The following MUC12 variants were observed in gnomAD, a reference collection of about 807,000 sequenced individuals.
MUC12 encodes mucin 12, cell surface associated.
In MUC12, 172 loss-of-function variants were observed where a neutral mutation model predicts 230.8. The ratio of observed to expected loss-of-function variants is 0.75; its 90% CI spans 0.66 to 0.85. The LOEUF is 0.85. MUC12 is among the 40% of genes least tolerant of loss of function. The probability of loss-of-function intolerance (pLI) is 0.00; values close to 1 mark genes in which losing one functional copy is unlikely to be tolerated. For missense variants in MUC12, 3,506 were observed against 5,920.6 expected, an observed-to-expected ratio of 0.59 and a Z score of 13.38; for synonymous variants, 1,259 against 2,401.9, an observed-to-expected ratio of 0.52 and a Z score of 13.91.
At position 101,004,668 on chromosome 7, in the gene MUC12, T is replaced by G. The variant is rs1406281493; in HGVS notation, c.14105T>G (p.Phe4702Cys). ...GGAATCACACCCTTACCTGCCCATT[T>G]TACTACCTCAGGCCGCATTGCAGAA... ...TNGITPLPAHFTTSGRIAEST... is the reference protein window; with the variant it reads ...TNGITPLPAHCTTSGRIAEST... The change falls in exon 2 of 12, where the codon TTT becomes TGT. Residue 4702 changes from phenylalanine (F) to cysteine (C), a missense_variant. Physicochemically the swap from Phe to Cys is radical, Grantham distance 205 (BLOSUM62 -2). Transcript: ENST00000536621. 1.3e-6 allele frequency: 2 copies of G among 1,537,232 alleles called. No individual in the cohort carries two copies. Among genetic ancestry groups the G allele is most frequent in the East Asian group, 4.9e-5 (2 of 40,896 alleles).
intron 1 of MUC12, among the ~76,000 whole-genome samples, chr7:100,977,731 T>C (rs1793054528): frequency 6.6e-6 from 1 of 151,496 alleles, no homozygotes; most frequent in Non-Finnish European, 1.5e-5. Context: ...CTGGCTAATT[T>C]TTGTATTTTT....
chr7:101,014,771 C>A (rs2116362752), intron 9 of MUC12, among the ~76,000 whole-genome samples: 1 of 147,076 alleles, frequency 6.8e-6, no homozygotes, highest in South Asian at 2.2e-4. Flanking sequence ...AGCCACCGTG[C>A]CCGGCCTTAA....
intron 10 of MUC12, 126 bp downstream of exon 10, chr7:101,015,817 G>A (rs1051070892): frequency 2.6e-5 from 21 of 797,684 alleles, no homozygotes; most frequent in African/African-American, 8.6e-5. Context: ...CTGACAGCCC[G>A]TTCCCTACCT....
At chr7:101,018,479 G>A (rs1046701349) in intron 11 of MUC12, 116 bp from the exon 12 acceptor site, 3 of 746,144 alleles carry the variant, frequency 4.0e-6, no homozygotes, top group East Asian at 3.1e-5. Flanking sequence ...CTCCCCCTGG[G>A]ACTCCCTCCC....
At chr7:100,989,849 C>T (rs111460750) in intron 1 of MUC12, among the ~76,000 whole-genome samples, 159 of 152,248 alleles carry the variant, frequency 1.0e-3, no homozygotes, top group Non-Finnish European at 2.0e-3. Flanking sequence ...CACCACCACA[C>T]CTGGCTAATT....
At position 101,018,625 on chromosome 7, in the gene MUC12, T is replaced by C. The variant is rs1383630776; in HGVS notation, c.15997T>C (p.Ser5333Pro). ...CATCCAGAGGCCGGAGATGGTAGCA[T>C]CCACTGTGTGAGCCAACGGGGGCCT... ...LHIQRPEMVA[S>P]TV The change falls in exon 12 of 12, where the codon TCC (serine) becomes CCC (proline). Residue 5333 changes from serine (S) to proline (P), a missense_variant. By Grantham distance (74) the Ser-to-Pro change is moderately conservative (BLOSUM62 -1). Transcript: ENST00000536621. 7 of 1,535,846 alleles carry C rather than the reference T, an allele frequency of 4.6e-6. No individual in the cohort carries two copies. The highest frequency in any genetic ancestry group is 6.1e-6 in the Non-Finnish European group (7 of 1,146,244).
Position 100,990,877 on chromosome 7 carries a change from T to C in MUC12, c.314T>C (p.Phe105Ser), listed in dbSNP as rs753824424. ...CCTTCCCACTCTGCAACCTCAGTTTTTGTTGGAGAACCTAAAACCTCACCC... is the reference window on the plus strand; with the variant it reads ...CCTTCCCACTCTGCAACCTCAGTTTCTGTTGGAGAACCTAAAACCTCACCC... ...LFPSHSATSV[F>S]VGEPKTSPIT... Residue 105 changes from phenylalanine (F) to serine (S), a missense_variant, in exon 2 of 12, where the codon TTT becomes TCT. Transcript: ENST00000536621. 38 of 1,537,868 alleles carry C rather than the reference T, an allele frequency of 2.5e-5. No homozygotes were observed. The highest frequency in any genetic ancestry group is 2.4e-5 in the East Asian group (1 of 40,914).
Position 100,984,552 on chromosome 7 carries a change from C to T in MUC12, c.68-6079C>T, listed in dbSNP as rs149111925. On this transcript the variant is annotated intron_variant, in intron 1 of 11. Coordinates refer to ENST00000536621, the MANE Select transcript of MUC12 (RefSeq NM_001164462.2). ...GATTACAGTTGTGAGCCACCATGCC[C>T]GACCACTTTTCATCTTTTTATGTGT... 3.9e-5 allele frequency among the ~76,000 whole-genome samples: 6 copies of T among 152,188 alleles called. No homozygotes were observed. In the South Asian group the frequency reaches 6.2e-4, roughly 16 times the overall value.
intron 10 of MUC12, among the ~76,000 whole-genome samples, chr7:101,016,543 G>C (rs896404276): frequency 3.3e-5 from 5 of 152,194 alleles, no homozygotes; most frequent in Non-Finnish European, 5.9e-5. Context: ...TCGAACTCCA[G>C]ACCTTAGGTG....
intron 2 of MUC12, among the ~76,000 whole-genome samples, chr7:101,006,169 CTT>C (rs1793746768): frequency 6.6e-6 from 1 of 152,172 alleles, no homozygotes; most frequent in South Asian, 2.1e-4. Flanking sequence ...ATTTCCAACT[CTT>C]TCTCCTCCCT....
At chr7:101,008,793 G>C (rs373074624) in intron 4 of MUC12, 32 bp downstream of exon 4, 2 of 1,526,500 alleles carry the variant, frequency 1.3e-6, no homozygotes, top group African/African-American at 1.4e-5. Flanking sequence ...ACACCCCAGG[G>C]TGATGTCCCA....
At chr7:100,979,371 T>C (rs890043444) in intron 1 of MUC12, among the ~76,000 whole-genome samples, 8 of 151,844 alleles carry the variant, frequency 5.3e-5, no homozygotes, top group African/African-American at 1.5e-4. Context: ...AGCTTGGAAA[T>C]TGTTACCAGT....
Position 100,995,309 on chromosome 7 carries a change from A to G in MUC12, c.4746A>G (p.Arg1582=), listed in dbSNP as rs1232400414. ...AAGAATCCACCACCTCCCACAGCCGACCAGGCTCAACGCACACAACAGCAT... is the reference window on the plus strand; with the variant it reads ...AAGAATCCACCACCTCCCACAGCCGGCCAGGCTCAACGCACACAACAGCAT... ...VSEESTTSHS[R]PGSTHTTAFP... Residue 1582 remains arginine, a synonymous_variant, in exon 2 of 12, where the codon CGA becomes CGG. Coordinates refer to ENST00000536621, the MANE Select transcript of MUC12 (RefSeq NM_001164462.2). The G allele has an allele frequency of 1.3e-6, 2 of 1,527,782 alleles. No individual in the cohort carries two copies. Among genetic ancestry groups the G allele is most frequent in the East Asian group, 2.5e-5 (1 of 40,728 alleles). The allele number at this position is 1,527,782 out of a possible 1,614,324, so 94.6% of individuals were successfully genotyped here.
chr7:100,975,671 G>T (rs1000296258), intron 1 of MUC12, among the ~76,000 whole-genome samples: 1 of 33,422 alleles, frequency 3.0e-5, no homozygotes, highest in East Asian at 9.0e-4. Flanking sequence ...GGCCTCCGGG[G>T]CCCTTCCACC....
chr7:100,984,616 A>G (rs548544176), intron 1 of MUC12, among the ~76,000 whole-genome samples: 5 of 151,990 alleles, frequency 3.3e-5, no homozygotes, highest in African/African-American at 7.2e-5. Context: ...AGGCCGTCTA[A>G]TCTCTAGCCA....
intron 1 of MUC12, among the ~76,000 whole-genome samples, chr7:100,973,825 C>T (rs1221163406): frequency 6.6e-6 from 1 of 151,982 alleles, no homozygotes; most frequent in Non-Finnish European, 1.5e-5. Context: ...GAGGCCCCAG[C>T]CTGGGCAATG....
At position 101,012,320 on chromosome 7, in the gene MUC12, C is replaced by G; in HGVS notation, c.15276C>G (p.Asn5092Lys). The stretch of plus-strand genomic sequence containing the variant: ...GCAACGGTAGCATCGTGGTCAAGAA[C>G]GATGTCATCCTGGAGGCAGACTACA... ...RLLNGSIVVKNDVILEADYTL... is the reference protein window; with the variant it reads ...RLLNGSIVVKKDVILEADYTL... Residue 5092 changes from asparagine to lysine, a missense_variant, in exon 6 of 12, where the codon AAC becomes AAG. Coordinates refer to ENST00000536621, the MANE Select transcript of MUC12 (RefSeq NM_001164462.2). The G allele has an allele frequency of 6.5e-7, 1 of 1,537,210 alleles. No individual in the cohort carries two copies. Among genetic ancestry groups the G allele is most frequent in the South Asian group, 1.2e-5 (1 of 84,034 alleles).
At position 101,006,470 on chromosome 7, in the gene MUC12, G is replaced by A; in HGVS notation, c.14957-1G>A. 1 of 1,536,430 alleles carries A rather than the reference G, an allele frequency of 6.5e-7. No individual in the cohort carries two copies. The highest frequency in any genetic ancestry group is 1.2e-5 in the South Asian group (1 of 84,040). The stretch of plus-strand genomic sequence containing the variant: ...CTGCTGTGGATTCTATCTCTCCACA[G>A]GGTTGTGCCAGGAAGGACAAATTTG... On this transcript the variant is annotated splice_acceptor_variant, in intron 2 of 11. Transcript: ENST00000536621. LOFTEE classifies it high-confidence loss of function.
chr7:101,015,789 C>T (rs547059686), intron 10 of MUC12, 98 bp downstream of exon 10: 108 of 1,103,616 alleles, frequency 9.8e-5, no homozygotes, highest in Non-Finnish European at 1.2e-4. Context: ...GTCCAGCCCC[C>T]CTTTGGGGTG....
Sources: allele counts gnomAD v4.1 joint callset (sites outside exome capture counted in the v4.1 genomes callset), GRCh38; gene constraint gnomAD v4.1.1; transcripts MANE v1.5; gene names NCBI Gene and HGNC (gene_info 2026-07-23, HGNC 2026-07-21).